The following HAUS5 variants were observed in gnomAD, a reference collection of about 807,000 sequenced individuals.
HAUS5 encodes HAUS augmin like complex subunit 5.
A neutral mutation model predicts 94.1 loss-of-function variants in HAUS5; 67 were observed. The observed-to-expected ratio is 0.71, with a 90% confidence interval of 0.58 to 0.87. HAUS5 has a LOEUF of 0.87. Among genes scored for constraint, HAUS5 ranks in the 40% least tolerant of loss-of-function variants. The pLI is 0.00. For missense variants in HAUS5, 739 were observed against 825.6 expected, an observed-to-expected ratio of 0.90 and a Z score of 1.29; for synonymous variants, 339 against 355.4, an observed-to-expected ratio of 0.95 and a Z score of 0.52.
In HAUS5 at chr19:35,623,027, A is replaced by G. The variant is rs770479371; in HGVS notation, c.*34A>G. On this transcript the variant is annotated 3_prime_UTR_variant, in exon 19 of 19. Transcript: ENST00000203166. The stretch of plus-strand genomic sequence containing the variant: ...TTCAAACGGAAGCCGAGAACTTGAC[A>G]CTGTTCACCCCAACACCTCACCTCC... 73 of 1,377,848 alleles carry G rather than the reference A, an allele frequency of 5.3e-5. No homozygotes were observed. Among genetic ancestry groups the G allele is most frequent in the Middle Eastern group, 2.5e-4 (1 of 4,046 alleles). 85.4% of individuals were successfully genotyped at this position (1,377,848 alleles called of 1,614,324 possible).
At position 35,618,886 on chromosome 19, in the gene HAUS5, G is replaced by A; in HGVS notation, c.1017-1G>A. On this transcript the variant is annotated splice_acceptor_variant, in intron 12 of 18. Coordinates refer to ENST00000203166, the MANE Select transcript of HAUS5 (RefSeq NM_015302.2). LOFTEE classifies it high-confidence loss of function. The stretch of plus-strand genomic sequence containing the variant: ...TTTGCTCTCCTCCACTTGCCCTGCA[G>A]GCAGGTGCTGATACTGGGGCTTCGG... 1 of 1,601,362 alleles carries A rather than the reference G, an allele frequency of 6.2e-7. No homozygotes were observed. The highest frequency in any genetic ancestry group is 8.5e-7 in the Non-Finnish European group (1 of 1,174,194).
At position 35,615,032 on chromosome 19, in the gene HAUS5, A is replaced by T; in HGVS notation, c.220-10A>T. ...ATCAGACCATCTGACCCTGAATCTGATCCTCCCAGGTCCGTCGGAAGTTAG... is the reference window on the plus strand; with the variant it reads ...ATCAGACCATCTGACCCTGAATCTGTTCCTCCCAGGTCCGTCGGAAGTTAG... On this transcript the variant is annotated splice_polypyrimidine_tract_variant and intron_variant, in intron 4 of 18. Transcript: ENST00000203166. The T allele has an allele frequency of 6.4e-7, 1 of 1,573,266 alleles. No homozygotes were observed. Among genetic ancestry groups the T allele is most frequent in the Non-Finnish European group, 8.6e-7 (1 of 1,158,534 alleles).
chr19:35,617,907 G>C lies in HAUS5; in HGVS notation c.691G>C (p.Val231Leu), dbSNP rs892176753. 3.1e-6 allele frequency: 5 copies of C among 1,613,906 alleles called. No homozygotes were observed. In the African/African-American group the frequency reaches 6.7e-5, roughly 22 times the overall value. Residue 231 changes from valine to leucine, a missense_variant, in exon 9 of 19, where the codon GTG becomes CTG. By Grantham distance (32) the Val-to-Leu change is conservative. Transcript: ENST00000203166. ...GTSYQQWLSS[V>L]ETLLTNHPPG... Reference sequence around the variant, plus strand: ...TTCGTACCAGCAGTGGCTGAGCTCAGTGGAGGTGAGAGGGCAGGGCTCTCA... The same window carrying C: ...TTCGTACCAGCAGTGGCTGAGCTCACTGGAGGTGAGAGGGCAGGGCTCTCA...
rs746850882 is a variant in HAUS5 at position 35,619,509 on chromosome 19, G to A, written c.1260+5G>A. 4 of 1,609,556 alleles carry A rather than the reference G, an allele frequency of 2.5e-6. No individual in the cohort carries two copies. The highest frequency in any genetic ancestry group is 3.4e-6 in the Non-Finnish European group (4 of 1,177,590). ...CTGTGCCGGAGCCCGGGGGAGGTGAGATGGGAGTTGGGGTGAGGTCTGGGT... is the reference window on the plus strand; with the variant it reads ...CTGTGCCGGAGCCCGGGGGAGGTGAAATGGGAGTTGGGGTGAGGTCTGGGT... On this transcript the variant is annotated splice_donor_5th_base_variant and intron_variant, in intron 14 of 18. Coordinates refer to ENST00000203166, the MANE Select transcript of HAUS5 (RefSeq NM_015302.2).
intron 10 of HAUS5, 76 bp from the exon 11 acceptor site, chr19:35,618,326 G>A (rs1967139888): frequency 6.2e-7 from 1 of 1,605,170 alleles, no homozygotes; most frequent in South Asian, 1.1e-5. Context: ...GGGGTGGCAG[G>A]ACTGATACTG....
In HAUS5 at chr19:35,615,133, A is replaced by T; in HGVS notation, c.311A>T (p.Asp104Val). ...LDQSLELMER[D>V]TEAQDTAMEQ... is the part of the protein sequence containing the mutation. ...CAGAGCCTGGAGCTGATGGAGCGAG[A>T]CACTGAGGCTCAGGGTGAGCCATGG... is the stretch of plus-strand genomic sequence containing the variant. The change falls in exon 5 of 19, where the codon GAC becomes GTC. Residue 104 changes from aspartate to valine, a missense_variant. Coordinates refer to ENST00000203166, the MANE Select transcript of HAUS5 (RefSeq NM_015302.2). The T allele has an allele frequency of 6.2e-7, 1 of 1,610,550 alleles. No homozygotes were observed. The highest frequency in any genetic ancestry group is 8.5e-7 in the Non-Finnish European group (1 of 1,178,360).
rs763737522 is a variant in HAUS5 at position 35,618,389 on chromosome 19, T to A, written c.822-13T>A. The A allele has an allele frequency of 6.2e-7, 1 of 1,602,656 alleles. No individual in the cohort carries two copies. The highest frequency in any genetic ancestry group is 8.5e-7 in the Non-Finnish European group (1 of 1,171,952). The stretch of plus-strand genomic sequence containing the variant: ...GCAGCACGGCTCCCTCAGCAGCTCT[T>A]CCCCCACCCCAGACCCCAGGCCCCG... On this transcript the variant is annotated splice_polypyrimidine_tract_variant and intron_variant, in intron 10 of 18. Coordinates refer to ENST00000203166, the MANE Select transcript of HAUS5 (RefSeq NM_015302.2).
In HAUS5 at chr19:35,613,533, T is replaced by C. The variant is rs546967389; in HGVS notation, c.99-197T>C. Reference sequence around the variant, plus strand: ...CCAGGAGGTTGAGGCTGCAAGGAGCTATGATCGTACCACTGCGACAGAGCG... The same window carrying C: ...CCAGGAGGTTGAGGCTGCAAGGAGCCATGATCGTACCACTGCGACAGAGCG... On this transcript the variant is annotated intron_variant, in intron 1 of 18. Coordinates refer to ENST00000203166, the MANE Select transcript of HAUS5 (RefSeq NM_015302.2). 9.2e-4 allele frequency: 537 copies of C among 586,188 alleles called. 2 individuals are homozygous for C. In the Middle Eastern group the frequency reaches 0.013, roughly 14 times the overall value. 36.3% of individuals were successfully genotyped at this position (586,188 alleles called of 1,614,324 possible). A position where few individuals can be genotyped will look rare whatever the true frequency, so the allele number is the denominator to read the frequency against.
chr19:35,622,814 G>A (rs1967232250), intron 18 of HAUS5, 62 bp from the exon 19 acceptor site: 1 of 1,606,764 alleles, frequency 6.2e-7, no homozygotes, highest in Non-Finnish European at 8.5e-7. Flanking sequence ...AGCAGGCCAT[G>A]GTTTTGCAGG....
Position 35,615,100 on chromosome 19 carries a change from A to G in HAUS5, c.278A>G (p.Glu93Gly). The change falls in exon 5 of 19, where the codon GAA (glutamate) becomes GGA (glycine). Residue 93 changes from glutamate to glycine, a missense_variant. Physicochemically the swap from Glu to Gly is moderately conservative, Grantham distance 98. Transcript: ENST00000203166. ...ACCCGCCTGCGGGCAGAAATCCAGG[A>G]ACTCGACCAGAGCCTGGAGCTGATG... ...AVTRLRAEIQ[E>G]LDQSLELMER... 1 of 1,608,672 alleles carries G rather than the reference A, an allele frequency of 6.2e-7. No individual in the cohort carries two copies. Among genetic ancestry groups the G allele is most frequent in the Non-Finnish European group, 8.5e-7 (1 of 1,177,438 alleles).
chr19:35,613,824 A>G (rs2071916683), intron 2 of HAUS5, 32 bp downstream of exon 2: 2 of 1,613,830 alleles, frequency 1.2e-6, no homozygotes, highest in African/African-American at 2.7e-5. Context: ...GAGGGGGCAC[A>G]GGTGAGGCCC....
chr19:35,615,878 C>T (rs2071938310), intron 6 of HAUS5, among the ~76,000 whole-genome samples: 1 of 152,118 alleles, frequency 6.6e-6, no homozygotes, highest in Non-Finnish European at 1.5e-5. Flanking sequence ...GGAAGAGCAG[C>T]CCGGAGGCCA....
Position 35,619,411 on chromosome 19 carries a change from C to G in HAUS5, c.1180-13C>G. 6.4e-7 allele frequency: 1 copy of G among 1,571,532 alleles called. No homozygotes were observed. Among genetic ancestry groups the G allele is most frequent in the South Asian group, 1.2e-5 (1 of 83,976 alleles). The stretch of plus-strand genomic sequence containing the variant: ...CTGGGAGGAGTGGGTCTCAGGGTAT[C>G]CTGGTTCCTCAGGAGGAGACCCAGG... On this transcript the variant is annotated splice_polypyrimidine_tract_variant and intron_variant, in intron 13 of 18. Coordinates refer to ENST00000203166, the MANE Select transcript of HAUS5 (RefSeq NM_015302.2).
At chr19:35,617,040 C>A in intron 6 of HAUS5, 84 bp from the exon 7 acceptor site, 9 of 1,125,334 alleles carry the variant, frequency 8.0e-6, no homozygotes, top group African/African-American at 1.5e-5. Flanking sequence ...TTCCTCTGAC[C>A]GGCCTTGCTG....
Position 35,618,054 on chromosome 19 carries a change from ACCCT to A in HAUS5, c.697-9_697-6del. ...CCTGCCCCGATCCTGCCCTGACTTC[ACCCT>A]CCCTCCCCCTAGACGCTGCTGACAA... On this transcript the variant is annotated splice_polypyrimidine_tract_variant and intron_variant, in intron 9 of 18. Transcript: ENST00000203166. The A allele has an allele frequency of 1.3e-6, 2 of 1,579,940 alleles. No homozygotes were observed. The highest frequency in any genetic ancestry group is 1.7e-6 in the Non-Finnish European group (2 of 1,159,244).
rs895177095 is a variant in HAUS5, at chr19:35,619,777, C to T, written c.1406+19C>T. On this transcript the variant is annotated intron_variant, in intron 15 of 18. Transcript: ENST00000203166. ...CGGGAGAGTGAGACTGGGGCTGCCC[C>T]ACCCCTGCCCTGCATCCCCTGCCAT... 2.6e-6 allele frequency: 4 copies of T among 1,525,312 alleles called. No homozygotes were observed. Among genetic ancestry groups the T allele is most frequent in the African/African-American group, 2.7e-5 (2 of 72,728 alleles). 94.5% of individuals were successfully genotyped at this position (1,525,312 alleles called of 1,614,324 possible).
chr19:35,617,306 G>A lies in HAUS5; in HGVS notation c.575G>A (p.Cys192Tyr). The stretch of plus-strand genomic sequence containing the variant: ...CCCTAGCGTGATGTCCGAACAGCCT[G>A]CACCCTCCGGGCCCAGTTCCTGCAG... ...PVVLRDVRTA[C>Y]TLRAQFLQNL... The change falls in exon 8 of 19, where the codon TGC becomes TAC. Residue 192 changes from cysteine to tyrosine, a missense_variant. Cys to Tyr is a radical substitution (Grantham distance 194, BLOSUM62 -2). Coordinates refer to ENST00000203166, the MANE Select transcript of HAUS5 (RefSeq NM_015302.2). The A allele has an allele frequency of 1.2e-6, 2 of 1,613,860 alleles. No homozygotes were observed. The highest frequency in any genetic ancestry group is 1.7e-6 in the Non-Finnish European group (2 of 1,179,736).
chr19:35,622,713 G>T lies in HAUS5; in HGVS notation c.1764G>T (p.Leu588=), dbSNP rs376510839. The T allele has an allele frequency of 4.3e-6, 7 of 1,614,148 alleles. No individual in the cohort carries two copies. The highest frequency in any genetic ancestry group is 5.9e-6 in the Non-Finnish European group (7 of 1,180,006). The change falls in exon 18 of 19, where the codon CTG becomes CTT. Residue 588 remains leucine, a synonymous_variant. Coordinates refer to ENST00000203166, the MANE Select transcript of HAUS5 (RefSeq NM_015302.2). ...AGGCACTGGAGCGAATCCCTGAGCT[G>T]CAGGGGATCGTGGGGGACTGGTGAG... ...LKQALERIPE[L]QGIVGDWWEQ...
In HAUS5 at chr19:35,617,380, C is replaced by G; in HGVS notation, c.638+11C>G. ...GAGGGGCAGCCTCCCGTGAGTGTCC[C>G]TAGCCCCCAGAGACCCTGTAAAGAC... On this transcript the variant is annotated intron_variant, in intron 8 of 18. Transcript: ENST00000203166. 1.9e-6 allele frequency: 3 copies of G among 1,598,406 alleles called. No individual in the cohort carries two copies. The highest frequency in any genetic ancestry group is 2.6e-6 in the Non-Finnish European group (3 of 1,165,994).
Sources: gnomAD v4.1 joint callset for allele counts (sites outside exome capture counted in the v4.1 genomes callset) on GRCh38, gnomAD v4.1.1 for gene constraint, MANE v1.5 for transcripts, NCBI Gene and HGNC (gene_info 2026-07-23, HGNC 2026-07-21) for gene names.